Variants in FCF1 observed in about 807,000 individuals in gnomAD.
The protein encoded by FCF1 is FCF1 rRNA-processing protein.
A neutral mutation model predicts 32.5 loss-of-function variants in FCF1; 17 were observed. The ratio of observed to expected loss-of-function variants is 0.52; its 90% CI spans 0.36 to 0.78. The LOEUF is 0.78. FCF1 is among the 30% of genes least tolerant of loss of function. FCF1 has a pLI of 0.00. For missense variants in FCF1, 201 were observed against 241.1 expected (o/e 0.83, Z 1.10); for synonymous variants, 84 against 78.4 (o/e 1.07, Z -0.38).
chr14:74,734,275 T>C, intron 7 of FCF1, 105 bp downstream of exon 7: 1 of 666,470 alleles, frequency 1.5e-6, no homozygotes, highest in Non-Finnish European at 2.6e-6. Flanking sequence ...AATTATTGTA[T>C]CAAATGTTTA....
chr14:74,726,584 G>A (rs976860305), intron 5 of FCF1, among the ~76,000 whole-genome samples: 3 of 151,390 alleles, frequency 2.0e-5, no homozygotes, highest in Admixed American at 6.6e-5. Context: ...AGCCAGCCTG[G>A]ACAACAAGAC....
chr14:74,733,969 T>C, intron 6 of FCF1, 107 bp from the exon 7 acceptor site: 1 of 721,356 alleles, frequency 1.4e-6, no homozygotes, highest in East Asian at 2.5e-5. Context: ...CGCTACTTAC[T>C]GTGAAAATGA....
At chr14:74,726,104 A>C (rs1176464434) in intron 5 of FCF1, among the ~76,000 whole-genome samples, 1 of 152,108 alleles carries the variant, frequency 6.6e-6, no homozygotes, top group South Asian at 2.1e-4. Context: ...AATGCTCATG[A>C]ATAAAATACT....
At chr14:74,730,998 CA>C (rs774733553) in intron 5 of FCF1, among the ~76,000 whole-genome samples, 2,847 of 138,336 alleles carry the variant, frequency 0.021, 32 homozygotes, top group African/African-American at 0.026. Flanking sequence ...ACCCCATCTC[CA>C]AAAAAAAAAA....
chr14:74,715,589 A>C, intron 3 of FCF1: 3 of 355,260 alleles, frequency 8.4e-6, no homozygotes, highest in South Asian at 6.8e-5. Flanking sequence ...CAGTTTTAGA[A>C]TCCTTTAAGA....
intron 4 of FCF1, among the ~76,000 whole-genome samples, chr14:74,720,615 G>T (rs2090487937): frequency 6.6e-6 from 1 of 151,790 alleles, no homozygotes; most frequent in East Asian, 1.9e-4. Context: ...TATATATTTT[G>T]AACATTTTTC....
chr14:74,726,507 C>T (rs558911031), intron 5 of FCF1, among the ~76,000 whole-genome samples: 37 of 151,730 alleles, frequency 2.4e-4, no homozygotes, highest in Admixed American at 5.9e-4. Context: ...GCACTGTTAA[C>T]GCACATCTGT....
chr14:74,734,607 A>G (rs191030578), intron 7 of FCF1, among the ~76,000 whole-genome samples: 149 of 152,104 alleles, frequency 9.8e-4, no homozygotes, highest in Admixed American at 1.8e-3. Context: ...GGAGAGCACA[A>G]TGTGGTGGGA....
intron 4 of FCF1, among the ~76,000 whole-genome samples, chr14:74,721,444 T>C (rs1224541486): frequency 6.6e-6 from 1 of 152,202 alleles, no homozygotes; most frequent in African/African-American, 2.4e-5. Context: ...CTCACGCCTA[T>C]AATCCCATCA....
intron 5 of FCF1, among the ~76,000 whole-genome samples, chr14:74,723,655 C>T (rs2090536271): frequency 6.6e-6 from 1 of 151,584 alleles, no homozygotes; most frequent in Non-Finnish European, 1.5e-5. Flanking sequence ...ATGGAGAAAC[C>T]CTATCTCTTC....
At chr14:74,733,920 T>C (rs1217045425) in intron 6 of FCF1, among the ~76,000 whole-genome samples, 156 bp from the exon 7 acceptor site, 1 of 152,172 alleles carries the variant, frequency 6.6e-6, no homozygotes, top group African/African-American at 2.4e-5. Flanking sequence ...AGCTCCTAGA[T>C]CATAGTAGGT....
At position 74,738,464 on chromosome 14, in the gene FCF1, C is replaced by G. The variant is rs747093714; in HGVS notation, c.*3534C>G. 16 of 152,140 alleles carry G rather than the reference C, an allele frequency of 1.1e-4. No individual in the cohort carries two copies. The highest frequency in any genetic ancestry group is 2.1e-4 in the Non-Finnish European group (14 of 68,032). The allele number at this position is 152,140 out of a possible 1,614,324, so 9.4% of individuals were successfully genotyped here. A position where few individuals can be genotyped will look rare whatever the true frequency, so the allele number is the denominator to read the frequency against. ...TTTCTGTGCAAGACACTCCCCTCCCCTAAAAAACAAGTGACTGATGAGATT... is the reference window on the plus strand; with the variant it reads ...TTTCTGTGCAAGACACTCCCCTCCCGTAAAAAACAAGTGACTGATGAGATT... On this transcript the variant is annotated 3_prime_UTR_variant, in exon 8 of 8. Coordinates refer to ENST00000341162, the MANE Select transcript of FCF1 (RefSeq NM_015962.5).
In FCF1 at chr14:74,716,298, T is replaced by C. The variant is rs1215770664; in HGVS notation, c.292+199T>C. On this transcript the variant is annotated intron_variant, in intron 4 of 7. Coordinates refer to ENST00000341162, the MANE Select transcript of FCF1 (RefSeq NM_015962.5). ...ACTGGAAAAAATTAAACTTTCACAA[T>C]TCAGAAAACACTTAGAATGCTTCGA... 2.0e-5 allele frequency among the ~76,000 whole-genome samples: 3 copies of C among 152,186 alleles called. No homozygotes were observed. In the East Asian group the frequency reaches 5.8e-4, roughly 29 times the overall value.
At chr14:74,729,898 T>C (rs914191013) in intron 5 of FCF1, among the ~76,000 whole-genome samples, 2 of 152,224 alleles carry the variant, frequency 1.3e-5, no homozygotes, top group Admixed American at 1.3e-4. Context: ...TCAGTTTCCA[T>C]GTAGTTGTGC....
At chr14:74,718,270 T>C (rs1000727506) in intron 4 of FCF1, among the ~76,000 whole-genome samples, 6 of 152,162 alleles carry the variant, frequency 3.9e-5, no homozygotes, top group Non-Finnish European at 1.5e-5. Flanking sequence ...CACTTTATAG[T>C]CCAACAAGGA....
At chr14:74,734,310 ACAAAG>A in intron 7 of FCF1, 140 bp downstream of exon 7, 2 of 563,728 alleles carry the variant, frequency 3.5e-6, no homozygotes, top group Non-Finnish European at 6.2e-6. Flanking sequence ...AAGAAATGAG[ACAAAG>A]CAAGAGCAAG....
At chr14:74,721,288 C>CT (rs1172508226) in intron 4 of FCF1, among the ~76,000 whole-genome samples, 1 of 151,980 alleles carries the variant, frequency 6.6e-6, no homozygotes, top group Non-Finnish European at 1.5e-5. Context: ...CTCAGGTGAC[C>CT]TGCCTGCCTT....
rs543359731 is a variant in FCF1, at chr14:74,725,932, T to C, written c.365+2588T>C. On this transcript the variant is annotated intron_variant, in intron 5 of 7. Coordinates refer to ENST00000341162, the MANE Select transcript of FCF1 (RefSeq NM_015962.5). ...GCCTGGGTGACAGAGCGAGACTCCA[T>C]CTCAAAAAAAAAAAAAAGAAAATTA... 1.5e-3 allele frequency among the ~76,000 whole-genome samples: 212 copies of C among 144,360 alleles called. 1 individual carries two copies. The highest frequency in any genetic ancestry group is 3.5e-3 in the Middle Eastern group (1 of 288). The allele number at this position is 144,360 out of a possible 152,430, so 94.7% of individuals were successfully genotyped here. A position where few individuals can be genotyped will look rare whatever the true frequency, so the allele number is the denominator to read the frequency against.
At chr14:74,725,407 G>A (rs374129501) in intron 5 of FCF1, among the ~76,000 whole-genome samples, 2 of 146,996 alleles carry the variant, frequency 1.4e-5, no homozygotes, top group South Asian at 4.3e-4. Context: ...TTGAGCCCAG[G>A]AGGCGGAGGT....
Sources: allele counts gnomAD v4.1 joint callset (sites outside exome capture counted in the v4.1 genomes callset), GRCh38; gene constraint gnomAD v4.1.1; transcripts MANE v1.5; gene names NCBI Gene and HGNC (gene_info 2026-07-23, HGNC 2026-07-21).